MTAP: variants seen among roughly 807,000 people sequenced by gnomAD.
The protein encoded by MTAP is methylthioadenosine phosphorylase, also known as S-methyl-5'-thioadenosine phosphorylase.
MTAP carries 33 observed loss-of-function variants against 33.6 expected under a neutral mutation model. The ratio of observed to expected loss-of-function variants is 0.98; its 90% CI spans 0.74 to 1.31. The LOEUF (loss-of-function observed/expected upper bound fraction) is 1.31, where lower values mean the gene tolerates loss of function less well. Among genes scored for constraint, MTAP ranks in the 40% most tolerant of loss-of-function variants. The probability of loss-of-function intolerance (pLI) is 0.00; values close to 1 mark genes in which losing one functional copy is unlikely to be tolerated. For missense variants in MTAP, 367 were observed against 360.0 expected (o/e 1.02, Z -0.16); for synonymous variants, 148 against 125.7 (o/e 1.18, Z -1.19).
chr9:21,890,327 C>T (rs7865071), intron 1 of MTAP, among the ~76,000 whole-genome samples: 9 of 152,088 alleles, frequency 5.9e-5, no homozygotes, highest in Non-Finnish European at 8.8e-5. Flanking sequence ...CAGCAATCAC[C>T]GCTGAGATCT....
At chr9:21,885,034 C>T (rs371761465) in intron 1 of MTAP, among the ~76,000 whole-genome samples, 6 of 152,026 alleles carry the variant, frequency 3.9e-5, no homozygotes, top group East Asian at 3.9e-4. Flanking sequence ...TTCAGGGTAC[C>T]GGAACTATCT....
At chr9:21,912,789 C>A (rs569404763) in intron 1 of MTAP, among the ~76,000 whole-genome samples, 1 of 152,164 alleles carries the variant, frequency 6.6e-6, no homozygotes, top group Non-Finnish European at 1.5e-5. Flanking sequence ...CCAGGGCAAT[C>A]AGGCAGGAGA....
chr9:21,939,723 T>C (rs1418130472), downstream of MTAP, among the ~76,000 whole-genome samples: 1 of 151,588 alleles, frequency 6.6e-6, no homozygotes, highest in Non-Finnish European at 1.5e-5. Flanking sequence ...ATAATAATAA[T>C]AATACAAAAA....
rs1825287932 is a variant in MTAP, at chr9:21,842,956, A to G, written c.450+4946A>G. Among the ~76,000 whole-genome samples, 3 of 152,226 alleles carry G rather than the reference A, an allele frequency of 2.0e-5. No homozygotes were observed. In the South Asian group the frequency reaches 6.2e-4, roughly 31 times the overall value. On this transcript the variant is annotated intron_variant, in intron 5 of 7. Transcript: ENST00000644715. ...AAATGACCTAAATGCCCCACTTAAGAAAAGATACGCAATGGCAGAATGGAT... is the reference window on the plus strand; with the variant it reads ...AAATGACCTAAATGCCCCACTTAAGGAAAGATACGCAATGGCAGAATGGAT...
At chr9:21,805,439 G>T (rs1296949765) in intron 1 of MTAP, among the ~76,000 whole-genome samples, 1 of 152,202 alleles carries the variant, frequency 6.6e-6, no homozygotes, top group African/African-American at 2.4e-5. Context: ...ATTCTAGTCA[G>T]GGTGGGAAAC....
At chr9:21,914,940 A>T (rs1301717650) in intron 1 of MTAP, among the ~76,000 whole-genome samples, 1 of 151,496 alleles carries the variant, frequency 6.6e-6, no homozygotes, top group African/African-American at 2.4e-5. Context: ...GGCTTCTTCC[A>T]TCTGACATAA....
Position 21,922,654 on chromosome 9 carries a change from TC to T in MTAP, c.148-8353del, listed in dbSNP as rs1318656747. ...GGTAAGAAATCTCTATGCCTCTCCT[TC>T]TTTGGCTGGAGAAGAAGGAGATCTG... On this transcript the variant is annotated intron_variant, in intron 1 of 1. Coordinates refer to the MTAP transcript ENST00000577563. The surrounding 1 kb of genome is among the most constrained non-coding windows in gnomAD (Gnocchi z 4.8). Among the ~76,000 whole-genome samples the T allele has an allele frequency of 6.6e-6, 1 of 152,136 alleles. No homozygotes were observed. Among genetic ancestry groups the T allele is most frequent in the African/African-American group, 2.4e-5 (1 of 41,430 alleles).
At position 21,865,363 on chromosome 9, in the gene MTAP, G is replaced by A. The variant is rs1825836740; in HGVS notation, c.*3349G>A. The A allele has an allele frequency of 9.3e-6, 8 of 864,324 alleles. No individual in the cohort carries two copies. Among genetic ancestry groups the A allele is most frequent in the Non-Finnish European group, 1.1e-5 (8 of 719,700 alleles). 53.5% of individuals were successfully genotyped at this position (864,324 alleles called of 1,614,324 possible). A position where few individuals can be genotyped will look rare whatever the true frequency, so the allele number is the denominator to read the frequency against. ...GGCCTTCCCAGCTATGTGGAACTGTGAGTTAATTAAACCTCTTTCCTTTAT... is the reference window on the plus strand; with the variant it reads ...GGCCTTCCCAGCTATGTGGAACTGTAAGTTAATTAAACCTCTTTCCTTTAT... On this transcript the variant is annotated 3_prime_UTR_variant, in exon 8 of 8. Coordinates refer to ENST00000644715, the MANE Select transcript of MTAP (RefSeq NM_002451.4).
At chr9:21,915,698 T>A (rs1284143043) in intron 1 of MTAP, among the ~76,000 whole-genome samples, 1 of 152,084 alleles carries the variant, frequency 6.6e-6, no homozygotes, top group Non-Finnish European at 1.5e-5. Flanking sequence ...TAACTCAGAC[T>A]ATGGTGTTGA....
intron 1 of MTAP, 59 bp downstream of exon 1, chr9:21,802,840 C>T (rs1824085508): frequency 6.2e-7 from 1 of 1,602,474 alleles, no homozygotes; most frequent in Non-Finnish European, 8.5e-7. Flanking sequence ...CTCGCCCCCG[C>T]GCCGGGGGAC....
At position 21,862,747 on chromosome 9, in the gene MTAP, G is replaced by A. The variant is rs1300540860; in HGVS notation, c.*733G>A. 1 of 168,278 alleles carries A rather than the reference G, an allele frequency of 5.9e-6. No individual in the cohort carries two copies. The allele number at this position is 168,278 out of a possible 1,614,324, so 10.4% of individuals were successfully genotyped here. A position where few individuals can be genotyped will look rare whatever the true frequency, so the allele number is the denominator to read the frequency against. ...AAAAAGGATATGGTAGCATTTTATA[G>A]TACTAGTTTTGCTTTAAAATGCTAT... On this transcript the variant is annotated 3_prime_UTR_variant, in exon 8 of 8. Transcript: ENST00000644715.
At chr9:21,894,274 T>C (rs1235578047) in intron 1 of MTAP, among the ~76,000 whole-genome samples, 1 of 151,096 alleles carries the variant, frequency 6.6e-6, no homozygotes, top group Non-Finnish European at 1.5e-5. Flanking sequence ...AGAGCCATCT[T>C]TGACAAGCCC....
intron 1 of MTAP, among the ~76,000 whole-genome samples, chr9:21,924,677 A>ATGGGGG (rs1818838513): frequency 6.6e-6 from 1 of 152,182 alleles, no homozygotes; most frequent in South Asian, 2.1e-4. Flanking sequence ...GCTTAGCTCA[A>ATGGGGG]ACCCTACCCT....
intron 4 of MTAP, among the ~76,000 whole-genome samples, chr9:21,826,538 C>G (rs1053654718): frequency 1.3e-5 from 2 of 151,606 alleles, no homozygotes; most frequent in African/African-American, 2.4e-5. Flanking sequence ...TGCATCCTGT[C>G]GGAAGGCATG....
At chr9:21,851,928 T>C (rs2118485192) in intron 5 of MTAP, among the ~76,000 whole-genome samples, 1 of 152,312 alleles carries the variant, frequency 6.6e-6, no homozygotes, top group East Asian at 1.9e-4. Flanking sequence ...TTGGACTGTC[T>C]CTCCTTGCTC....
chr9:21,840,416 C>CT (rs1176211857), intron 5 of MTAP, among the ~76,000 whole-genome samples: 10 of 152,190 alleles, frequency 6.6e-5, no homozygotes, highest in South Asian at 6.2e-4. Context: ...AGGCAAGAAA[C>CT]TGAGTTCCCA....
chr9:21,886,744 A>G (rs1189918922), intron 1 of MTAP, among the ~76,000 whole-genome samples: 3 of 152,282 alleles, frequency 2.0e-5, no homozygotes, highest in Middle Eastern at 3.4e-3. Context: ...TTAGTTGGAT[A>G]TAAGTATTGG....
intron 1 of MTAP, among the ~76,000 whole-genome samples, chr9:21,876,614 A>G (rs1401965418): frequency 6.6e-6 from 1 of 152,182 alleles, no homozygotes; most frequent in Non-Finnish European, 1.5e-5. Context: ...AACACCATTT[A>G]TTGAATAGGG....
chr9:21,908,038 T>G (rs1818502908), intron 1 of MTAP, among the ~76,000 whole-genome samples: 2 of 152,324 alleles, frequency 1.3e-5, no homozygotes, highest in East Asian at 1.9e-4. Context: ...GATATTAACA[T>G]TGATATAGTC....
Sources: allele counts gnomAD v4.1 joint callset (sites outside exome capture counted in the v4.1 genomes callset), GRCh38; gene constraint gnomAD v4.1.1; non-coding constraint Gnocchi (gnomAD v3.1); transcripts MANE v1.5; gene names NCBI Gene and HGNC (gene_info 2026-07-23, HGNC 2026-07-21).